The following TUSC3 variants were observed in gnomAD, a reference collection of about 807,000 sequenced individuals.
TUSC3 encodes the protein dolichyl-diphosphooligosaccharide--protein glycosyltransferase subunit TUSC3.
In TUSC3, 45 loss-of-function variants were observed where a neutral mutation model predicts 44.8. That is an observed-to-expected ratio of 1.00 (90% CI 0.79 to 1.29). The LOEUF is 1.29. Ranked by LOEUF, TUSC3 falls within the 50% of genes most tolerant of loss-of-function variation. TUSC3 has a pLI of 0.00. For missense variants in TUSC3, 519 were observed against 437.9 expected (o/e 1.19, Z -1.65); for synonymous variants, 212 against 152.9 (o/e 1.39, Z -2.85).
chr8:15,684,593 G>T (rs944631617), intron 6 of TUSC3, among the ~76,000 whole-genome samples: 5 of 152,148 alleles, frequency 3.3e-5, no homozygotes, highest in Admixed American at 1.3e-4. Context: ...GCAGCTGGCT[G>T]TCAGGCTGCG....
At position 15,594,459 on chromosome 8, in the gene TUSC3, A is replaced by T. The variant is rs922071033; in HGVS notation, c.139-28621A>T. Among the ~76,000 whole-genome samples the T allele has an allele frequency of 3.9e-5, 6 of 152,162 alleles. No individual in the cohort carries two copies. In the South Asian group the frequency reaches 1.2e-3, roughly 32 times the overall value. On this transcript the variant is annotated intron_variant, in intron 1 of 10. Coordinates refer to ENST00000503731, the MANE Select transcript of TUSC3 (RefSeq NM_006765.4). ...CAAAATGTTTAATTGGATCATAGGCATTGTGCATTTTGTTGGATACTGGAT... is the reference window on the plus strand; with the variant it reads ...CAAAATGTTTAATTGGATCATAGGCTTTGTGCATTTTGTTGGATACTGGAT...
chr8:15,454,573 C>A (rs1211137978), intron 1 of TUSC3, among the ~76,000 whole-genome samples: 2 of 152,158 alleles, frequency 1.3e-5, no homozygotes, highest in Non-Finnish European at 2.9e-5. Flanking sequence ...TTCTGTCTTC[C>A]ATCAGGAACA....
chr8:15,804,837 A>G, the TUSC3 span, among the ~76,000 whole-genome samples: 1 of 152,154 alleles, frequency 6.6e-6, no homozygotes, highest in African/African-American at 2.4e-5. Context: ...TGAATTTTGA[A>G]CTAGTTTTTT....
chr8:15,833,946 C>G, the TUSC3 span, among the ~76,000 whole-genome samples: 1 of 151,916 alleles, frequency 6.6e-6, no homozygotes, highest in South Asian at 2.1e-4. Context: ...ATTTTTTCCA[C>G]TGTAGTCTGA....
chr8:15,449,187 G>A (rs1422915182), intron 1 of TUSC3, among the ~76,000 whole-genome samples: 2 of 152,338 alleles, frequency 1.3e-5, no homozygotes, highest in Non-Finnish European at 1.5e-5. Flanking sequence ...GAATAGGACA[G>A]GGATTTATGC....
chr8:15,571,076 C>G (rs1481885819), intron 1 of TUSC3, among the ~76,000 whole-genome samples: 1 of 149,606 alleles, frequency 6.7e-6, no homozygotes, highest in Non-Finnish European at 1.5e-5. Context: ...CCTGCCCCAG[C>G]CAGAGTAGCT....
intron 10 of TUSC3, among the ~76,000 whole-genome samples, chr8:15,759,231 G>T (rs1317036339): frequency 6.6e-6 from 1 of 152,014 alleles, no homozygotes; most frequent in Non-Finnish European, 1.5e-5. Context: ...GATACCAAAT[G>T]AAATCTGAGC....
intron 3 of TUSC3, chr8:15,651,154 T>A (rs906629936): frequency 3.4e-6 from 1 of 292,382 alleles, no homozygotes; most frequent in African/African-American, 2.2e-5. Context: ...TAAATTCATT[T>A]TAACTTTTGC....
chr8:15,482,539 C>T (rs1198233300), intron 1 of TUSC3, among the ~76,000 whole-genome samples: 1 of 152,172 alleles, frequency 6.6e-6, no homozygotes, highest in Non-Finnish European at 1.5e-5. Context: ...AATGTTAATG[C>T]TCATTGACAA....
At chr8:15,637,735 G>A (rs981387387) in intron 2 of TUSC3, among the ~76,000 whole-genome samples, 2 of 151,982 alleles carry the variant, frequency 1.3e-5, no homozygotes, top group Non-Finnish European at 2.9e-5. Flanking sequence ...CTTTTGAGTG[G>A]CCTACTGATT....
the TUSC3 span, among the ~76,000 whole-genome samples, chr8:15,830,747 G>A: frequency 6.6e-6 from 1 of 152,006 alleles, no homozygotes. Flanking sequence ...ATACACAAGG[G>A]GGACTCCAAA....
intron 1 of TUSC3, among the ~76,000 whole-genome samples, chr8:15,610,600 G>A (rs936614358): frequency 2.0e-5 from 3 of 152,006 alleles, no homozygotes; most frequent in South Asian, 4.2e-4. Context: ...TGCAAGTTTC[G>A]GAAACAGTTG....
intron 4 of TUSC3, 28 bp from the exon 5 acceptor site, chr8:15,662,128 T>G: frequency 3.7e-6 from 6 of 1,611,696 alleles, no homozygotes; most frequent in Non-Finnish European, 5.1e-6. Flanking sequence ...TTTCTTTCAT[T>G]TTTGAAATTT....
chr8:15,827,469 T>A, the TUSC3 span, among the ~76,000 whole-genome samples: 1 of 152,172 alleles, frequency 6.6e-6, no homozygotes, highest in Admixed American at 6.5e-5. Flanking sequence ...TGCTGTGTGA[T>A]AGACAGATTG....
chr8:15,461,762 AAG>A (rs1419076564), intron 1 of TUSC3, among the ~76,000 whole-genome samples: 1 of 152,022 alleles, frequency 6.6e-6, no homozygotes, highest in Non-Finnish European at 1.5e-5. Context: ...AAAGAAAAAA[AAG>A]AAAAAATGAA....
At chr8:15,452,210 C>G (rs547958323) in intron 1 of TUSC3, among the ~76,000 whole-genome samples, 2 of 152,150 alleles carry the variant, frequency 1.3e-5, no homozygotes, top group Non-Finnish European at 2.9e-5. Context: ...TTAATTTCTA[C>G]AAACAACCAT....
the TUSC3 span, chr8:15,806,410 T>G: frequency 1.5e-6 from 1 of 682,540 alleles, no homozygotes; most frequent in Non-Finnish European, 2.7e-6. Context: ...GGTGATACTT[T>G]GGGTGCATTT....
intron 3 of TUSC3, among the ~76,000 whole-genome samples, chr8:15,657,121 C>T (rs963164629): frequency 2.6e-5 from 4 of 152,178 alleles, no homozygotes; most frequent in Admixed American, 2.6e-4. Context: ...TGAGTAATAC[C>T]TGGCTTCCTT....
intron 6 of TUSC3, among the ~76,000 whole-genome samples, chr8:15,702,123 C>G (rs897802496): frequency 2.6e-5 from 4 of 152,020 alleles, no homozygotes; most frequent in Non-Finnish European, 5.9e-5. Flanking sequence ...ATCAAGAGAG[C>G]CTATTTTCTT....
Sources: allele counts gnomAD v4.1 joint callset (sites outside exome capture counted in the v4.1 genomes callset), GRCh38; gene constraint gnomAD v4.1.1; transcripts MANE v1.5; gene names NCBI Gene and HGNC (gene_info 2026-07-23, HGNC 2026-07-21).